Variants in DDX10 observed in about 807,000 individuals in gnomAD.
DDX10 encodes the protein probable ATP-dependent RNA helicase DDX10.
DDX10 carries 74 observed loss-of-function variants against 104.3 expected under a neutral mutation model. The observed-to-expected ratio is 0.71, with a 90% CI of 0.59 to 0.86. DDX10 has a LOEUF of 0.86. Among genes scored for constraint, DDX10 ranks in the 40% least tolerant of loss-of-function variants. DDX10 has a pLI of 0.00. For missense variants in DDX10, 952 were observed against 1,040.0 expected (o/e 0.92, Z 1.16); for synonymous variants, 351 against 353.4 (o/e 0.99, Z 0.08).
intron 13 of DDX10, among the ~76,000 whole-genome samples, chr11:108,824,152 C>T (rs929688666): frequency 1.3e-5 from 2 of 152,196 alleles, no homozygotes; most frequent in African/African-American, 4.8e-5. Flanking sequence ...AAGCGATTCT[C>T]CTGCCTCAGC....
At chr11:108,911,553 CTTCTTTTTTTTTTT>C (rs1863679265) in intron 16 of DDX10, among the ~76,000 whole-genome samples, 2 of 117,146 alleles carry the variant, frequency 1.7e-5, no homozygotes, top group East Asian at 2.5e-4. Flanking sequence ...TTTGCCTCCT[CTTCTTTTTTTTTTT>C]TTTTTTTTTT....
chr11:108,671,240 C>T (rs2094216621), intron 1 of DDX10, among the ~76,000 whole-genome samples: 1 of 152,184 alleles, frequency 6.6e-6, no homozygotes, highest in South Asian at 2.1e-4. Context: ...CTCTGCTCAC[C>T]ACAACCTCTG....
chr11:108,711,263 G>C (rs780079554), intron 10 of DDX10, among the ~76,000 whole-genome samples: 1 of 152,134 alleles, frequency 6.6e-6, no homozygotes, highest in South Asian at 2.1e-4. Context: ...TTTTGATTTT[G>C]TTTTGACTTG....
At position 108,673,452 on chromosome 11, in the gene DDX10, T is replaced by C; in HGVS notation, c.187-15T>C. On this transcript the variant is annotated splice_polypyrimidine_tract_variant and intron_variant, in intron 1 of 17. Transcript: ENST00000322536. ...AACAAATGAGTTACCCTGATTCCTT[T>C]TTCTTTTTTTCCAGATAAATGTAAA... The C allele has an allele frequency of 6.4e-7, 1 of 1,553,378 alleles. No homozygotes were observed. The highest frequency in any genetic ancestry group is 8.9e-7 in the Non-Finnish European group (1 of 1,126,562).
chr11:108,752,830 G>A (rs1175310089), intron 13 of DDX10, among the ~76,000 whole-genome samples: 1 of 152,016 alleles, frequency 6.6e-6, no homozygotes, highest in East Asian at 1.9e-4. Flanking sequence ...AGGAGATAAA[G>A]GAATATAAAG....
intron 13 of DDX10, among the ~76,000 whole-genome samples, chr11:108,754,166 G>T (rs1359209335): frequency 6.6e-6 from 1 of 152,016 alleles, no homozygotes; most frequent in Non-Finnish European, 1.5e-5. Flanking sequence ...TGTCGGAAGT[G>T]AATCGTTTAG....
At chr11:108,779,237 C>T (rs561222127) in intron 13 of DDX10, among the ~76,000 whole-genome samples, 5 of 152,244 alleles carry the variant, frequency 3.3e-5, no homozygotes, top group East Asian at 3.9e-4. Context: ...CACATGCACA[C>T]GTATGTTTAT....
chr11:108,767,297 A>T (rs755303543), intron 13 of DDX10: 2 of 152,232 alleles, frequency 1.3e-5, no homozygotes, highest in South Asian at 2.1e-4. Context: ...ATTTTCTCCA[A>T]TGAAGTAGAA....
Position 108,841,379 on chromosome 11 carries a change from C to T in DDX10, c.2150C>T (p.Thr717Ile). Residue 717 changes from threonine (T) to isoleucine (I), a missense_variant, in exon 15 of 18, where the codon ACA becomes ATA. This residue lies in a region of DDX10 where 533 missense variants were observed against 534.1 expected (regional missense o/e 1.00). Transcript: ENST00000322536. ...AIKDAEEDDD[T>I]GGINLHKAKE... ...AAGGATGCTGAGGAAGATGATGACA[C>T]AGGTGGTATCAACTTACATAAAGCA... is the stretch of plus-strand genomic sequence containing the variant. The T allele has an allele frequency of 6.2e-7, 1 of 1,613,634 alleles. No individual in the cohort carries two copies. The highest frequency in any genetic ancestry group is 8.5e-7 in the Non-Finnish European group (1 of 1,179,808).
chr11:108,781,524 A>T (rs568918140), intron 13 of DDX10, among the ~76,000 whole-genome samples: 9 of 152,170 alleles, frequency 5.9e-5, no homozygotes, highest in African/African-American at 1.9e-4. Flanking sequence ...ACTGAACTAT[A>T]TGGAGGGATT....
intron 16 of DDX10, among the ~76,000 whole-genome samples, chr11:108,909,271 A>C (rs1863636271): frequency 6.6e-6 from 1 of 152,248 alleles, no homozygotes; most frequent in Non-Finnish European, 1.5e-5. Flanking sequence ...CTGCATGGGC[A>C]GACACATTCA....
chr11:108,810,259 CT>C (rs1483378941), intron 13 of DDX10, among the ~76,000 whole-genome samples: 1 of 152,108 alleles, frequency 6.6e-6, no homozygotes, highest in Non-Finnish European at 1.5e-5. Flanking sequence ...TGCAGTGGAA[CT>C]TGCAAATTGT....
At position 108,838,540 on chromosome 11, in the gene DDX10, A is replaced by C; in HGVS notation, c.2060A>C (p.Lys687Thr). The change falls in exon 14 of 18, where the codon AAG becomes ACG. Residue 687 changes from lysine (K) to threonine (T), a missense_variant. Transcript: ENST00000322536. ...VMKRNFKVNK[K>T]ITFTDEGELV... Reference sequence around the variant, plus strand: ...AAGAGAAATTTTAAAGTGAATAAGAAGATAACATTTACTGATGAAGGGGAG... The same window carrying C: ...AAGAGAAATTTTAAAGTGAATAAGACGATAACATTTACTGATGAAGGGGAG... 1 of 1,610,908 alleles carries C rather than the reference A, an allele frequency of 6.2e-7. No homozygotes were observed. The highest frequency in any genetic ancestry group is 1.1e-5 in the South Asian group (1 of 90,094).
chr11:108,731,239 C>T (rs558026795), intron 13 of DDX10, among the ~76,000 whole-genome samples: 12 of 151,654 alleles, frequency 7.9e-5, no homozygotes, highest in East Asian at 7.8e-4. Flanking sequence ...TTAGTAGAGA[C>T]GGGGTTTCAC....
chr11:108,909,645 G>A (rs1863641962), intron 16 of DDX10, among the ~76,000 whole-genome samples: 1 of 152,202 alleles, frequency 6.6e-6, no homozygotes, highest in Non-Finnish European at 1.5e-5. Context: ...CCGTGAATTT[G>A]TAGTCTACTG....
At chr11:108,806,127 A>G (rs1299805356) in intron 13 of DDX10, among the ~76,000 whole-genome samples, 1 of 151,918 alleles carries the variant, frequency 6.6e-6, no homozygotes, top group Non-Finnish European at 1.5e-5. Context: ...ACGCCCGGCT[A>G]GTTTTTTTTA....
intron 16 of DDX10, among the ~76,000 whole-genome samples, chr11:108,914,314 C>A (rs1320991797): frequency 2.0e-5 from 3 of 152,092 alleles, no homozygotes; most frequent in African/African-American, 7.2e-5. Flanking sequence ...ATGTATTCTG[C>A]TCAAAGTGTC....
chr11:108,908,240 C>A (rs1199778030), intron 16 of DDX10, among the ~76,000 whole-genome samples: 1 of 152,108 alleles, frequency 6.6e-6, no homozygotes. Flanking sequence ...AATTTAAAAA[C>A]TATGAAGAAT....
intron 16 of DDX10, among the ~76,000 whole-genome samples, chr11:108,874,546 T>A (rs560273776): frequency 1.3e-5 from 2 of 152,274 alleles, no homozygotes; most frequent in East Asian, 3.9e-4. Flanking sequence ...TTATTAATTT[T>A]TTTTTTTTTA....
Sources: allele counts gnomAD v4.1 joint callset (sites outside exome capture counted in the v4.1 genomes callset), GRCh38; gene constraint gnomAD v4.1.1; regional missense constraint gnomAD v4.1.1; transcripts MANE v1.5; gene names NCBI Gene and HGNC (gene_info 2026-07-23, HGNC 2026-07-21).